Variants in CNTN5 observed in about 807,000 individuals in gnomAD.
The protein encoded by CNTN5 is contactin-5.
CNTN5 carries 77 observed loss-of-function variants against 129.1 expected under a neutral mutation model. The ratio of observed to expected loss-of-function variants is 0.60; its 90% CI spans 0.50 to 0.72. CNTN5 has a LOEUF of 0.72. Among genes scored for constraint, CNTN5 ranks in the 30% least tolerant of loss-of-function variants. CNTN5 has a pLI of 0.00. For missense variants in CNTN5, 1,478 were observed against 1,328.8 expected, an observed-to-expected ratio of 1.11 and a Z score of -1.75; for synonymous variants, 509 against 465.6, an observed-to-expected ratio of 1.09 and a Z score of -1.20.
At chr11:99,846,266 G>C (rs540828592) in intron 6 of CNTN5, among the ~76,000 whole-genome samples, 6 of 148,348 alleles carry the variant, frequency 4.0e-5, no homozygotes, top group African/African-American at 1.5e-4. Context: ...GCTGAGGCAG[G>C]AGAATTGCTT....
intron 13 of CNTN5, among the ~76,000 whole-genome samples, chr11:100,182,387 G>C (rs1024138056): frequency 2.0e-5 from 3 of 151,990 alleles, no homozygotes; most frequent in African/African-American, 7.2e-5. Flanking sequence ...TTGTCAGAGA[G>C]CAGAGAGAGA....
At chr11:99,078,828 G>T (rs540301146) in intron 1 of CNTN5, among the ~76,000 whole-genome samples, 2 of 152,094 alleles carry the variant, frequency 1.3e-5, no homozygotes, top group Non-Finnish European at 2.9e-5. Context: ...AGTGGGATTG[G>T]TTAGTGGATA....
chr11:100,299,695 T>C (rs778075698), intron 20 of CNTN5, among the ~76,000 whole-genome samples: 1 of 151,456 alleles, frequency 6.6e-6, no homozygotes, highest in Non-Finnish European at 1.5e-5. Flanking sequence ...TGGGTGGACA[T>C]TAAGCCAATC....
intron 7 of CNTN5, among the ~76,000 whole-genome samples, chr11:99,918,333 A>C (rs1001788227): frequency 6.6e-6 from 1 of 152,176 alleles, no homozygotes; most frequent in South Asian, 2.1e-4. Context: ...AAACAATCCC[A>C]AAAACCAAAG....
At chr11:100,125,217 G>T (rs2138182123) in intron 13 of CNTN5, among the ~76,000 whole-genome samples, 1 of 152,046 alleles carries the variant, frequency 6.6e-6, no homozygotes, top group African/African-American at 2.4e-5. Flanking sequence ...ACATGAACAG[G>T]TTTATTAACT....
chr11:100,348,146 A>G (rs981308623), intron 23 of CNTN5, among the ~76,000 whole-genome samples: 1 of 151,964 alleles, frequency 6.6e-6, no homozygotes, highest in African/African-American at 2.4e-5. Flanking sequence ...CTGTCAATCT[A>G]TAAATGTCCA....
chr11:99,509,265 C>G (rs1336687074), intron 2 of CNTN5, among the ~76,000 whole-genome samples: 1 of 152,064 alleles, frequency 6.6e-6, no homozygotes, highest in Non-Finnish European at 1.5e-5. Flanking sequence ...AGTTGTCATT[C>G]TTGTTTTTTG....
Position 99,957,007 on chromosome 11 carries a change from A to T in CNTN5, c.875A>T (p.Asp292Val). The change falls in exon 8 of 25, where the codon GAT (aspartate) becomes GTT (valine). Residue 292 changes from aspartate (D) to valine (V), a missense_variant and splice_region_variant. By Grantham distance (152) the Asp-to-Val change is radical. Coordinates refer to ENST00000524871, the MANE Select transcript of CNTN5 (RefSeq NM_014361.4). The part of the protein sequence containing the change: ...SPPTPLTLRN[D>V]GVMGEYEPKI... ...CCAACGCCACTCACTCTGCGTAATGATGGTAAGTTGCTTGGCCCGTTAAAA... is the reference window on the plus strand; with the variant it reads ...CCAACGCCACTCACTCTGCGTAATGTTGGTAAGTTGCTTGGCCCGTTAAAA... 1 of 1,613,140 alleles carries T rather than the reference A, an allele frequency of 6.2e-7. No individual in the cohort carries two copies. Among genetic ancestry groups the T allele is most frequent in the Non-Finnish European group, 8.5e-7 (1 of 1,179,416 alleles).
At chr11:99,632,246 T>A (rs1307463170) in intron 3 of CNTN5, among the ~76,000 whole-genome samples, 1 of 151,666 alleles carries the variant, frequency 6.6e-6, no homozygotes, top group African/African-American at 2.4e-5. Flanking sequence ...TAGCTAAATA[T>A]GTTAATTGAA....
chr11:100,309,289 G>C (rs565561538), intron 21 of CNTN5: 58 of 984,184 alleles, frequency 5.9e-5, no homozygotes, highest in Non-Finnish European at 6.9e-5. Flanking sequence ...CAATGATCAA[G>C]TATAGGACTT....
chr11:99,517,009 T>C lies in CNTN5; in HGVS notation c.-70-39136T>C, dbSNP rs564993842. On this transcript the variant is annotated intron_variant, in intron 2 of 24. Transcript: ENST00000524871. Reference sequence around the variant, plus strand: ...ATTTTAAGTTATTTGGTAAGTAGAATAAAAGGGGGAGGGAAACTAAATCTG... The same window carrying C: ...ATTTTAAGTTATTTGGTAAGTAGAACAAAAGGGGGAGGGAAACTAAATCTG... Among the ~76,000 whole-genome samples the C allele has an allele frequency of 1.5e-4, 23 of 152,210 alleles. No homozygotes were observed. In the South Asian group the frequency reaches 4.8e-3, roughly 32 times the overall value.
chr11:100,160,048 C>T (rs1215444256), intron 13 of CNTN5, among the ~76,000 whole-genome samples: 3 of 151,850 alleles, frequency 2.0e-5, no homozygotes, highest in Non-Finnish European at 4.4e-5. Context: ...TTAGGTATTT[C>T]TCCTAATGCT....
At chr11:99,738,637 GTGTGTA>G (rs911099853) in intron 3 of CNTN5, among the ~76,000 whole-genome samples, 162 of 151,602 alleles carry the variant, frequency 1.1e-3, no homozygotes, top group Middle Eastern at 6.8e-3. Flanking sequence ...GTGTGTGTGT[GTGTGTA>G]TGTGTGTGTA....
chr11:99,427,330 A>G (rs909018160), intron 2 of CNTN5, among the ~76,000 whole-genome samples: 5 of 152,180 alleles, frequency 3.3e-5, no homozygotes, highest in African/African-American at 1.2e-4. Context: ...GGCCACAACA[A>G]CAGTTAGAAC....
intron 1 of CNTN5, among the ~76,000 whole-genome samples, chr11:99,208,236 T>A (rs966252531): frequency 6.6e-6 from 1 of 152,088 alleles, no homozygotes; most frequent in Non-Finnish European, 1.5e-5. Context: ...TGGAAGGGAG[T>A]AATCCAATGA....
chr11:99,460,779 G>A (rs1436254380), intron 2 of CNTN5, among the ~76,000 whole-genome samples: 1 of 152,004 alleles, frequency 6.6e-6, no homozygotes, highest in African/African-American at 2.4e-5. Flanking sequence ...TACCTTGCTA[G>A]TGAGAGTTTA....
intron 13 of CNTN5, among the ~76,000 whole-genome samples, chr11:100,094,821 T>G (rs1944945238): frequency 9.8e-6 from 1 of 101,738 alleles, no homozygotes; most frequent in Non-Finnish European, 2.2e-5. Flanking sequence ...AGGAAGGAAA[T>G]TAAAGGAGAA....
chr11:100,009,090 A>G (rs1467457784), intron 9 of CNTN5, among the ~76,000 whole-genome samples: 2 of 152,108 alleles, frequency 1.3e-5, no homozygotes, highest in Non-Finnish European at 2.9e-5. Flanking sequence ...CTATATTTTG[A>G]TATCACCCAA....
At chr11:99,807,645 G>C (rs777278187) in intron 3 of CNTN5, among the ~76,000 whole-genome samples, 6 of 152,018 alleles carry the variant, frequency 3.9e-5, no homozygotes, top group Non-Finnish European at 5.9e-5. Flanking sequence ...CTCCTAAATA[G>C]CTGGTATTAC....
Sources: allele counts gnomAD v4.1 joint callset (sites outside exome capture counted in the v4.1 genomes callset), GRCh38; gene constraint gnomAD v4.1.1; transcripts MANE v1.5; gene names NCBI Gene and HGNC (gene_info 2026-07-23, HGNC 2026-07-21).